The following GNAI3 variants were observed in gnomAD, a reference collection of about 807,000 sequenced individuals.
The protein encoded by GNAI3 is guanine nucleotide-binding protein G(i) subunit alpha-3.
In GNAI3, 12 loss-of-function variants were observed where a neutral mutation model predicts 41.8. That is an observed-to-expected ratio of 0.29 (90% CI 0.18 to 0.47). GNAI3 has a LOEUF of 0.47. Ranked by LOEUF, GNAI3 falls within the 20% of genes least tolerant of loss-of-function variation. The pLI, the probability that GNAI3 is intolerant of heterozygous loss-of-function variation, is 1.00. For synonymous variants in GNAI3, 132 were observed against 146.5 expected, an observed-to-expected ratio of 0.90 and a Z score of 0.71; for missense variants, 360 against 429.6, an observed-to-expected ratio of 0.84 and a Z score of 1.43.
chr1:109,573,788 G>A lies in GNAI3; in HGVS notation c.161+9G>A. 6.2e-7 allele frequency: 1 copy of A among 1,609,884 alleles called. No individual in the cohort carries two copies. The highest frequency in any genetic ancestry group is 1.1e-5 in the South Asian group (1 of 90,970). On this transcript the variant is annotated intron_variant, in intron 2 of 8. Transcript: ENST00000369851. ...ATTGTGAAACAGATGAAGTAAGTTG[G>A]AATGTAGCGTTTTGTTAGACTAGGA...
chr1:109,572,811 A>G (rs1406837157), intron 1 of GNAI3, among the ~76,000 whole-genome samples: 1 of 152,166 alleles, frequency 6.6e-6, no homozygotes, highest in African/African-American at 2.4e-5. Flanking sequence ...GGAAAATATC[A>G]TGGGAAATTG....
chr1:109,557,660 A>G (rs1648194138), intron 1 of GNAI3, among the ~76,000 whole-genome samples: 1 of 151,644 alleles, frequency 6.6e-6, no homozygotes, highest in Non-Finnish European at 1.5e-5. Flanking sequence ...CCGAGTCTTC[A>G]ACTTTTGTTT....
At chr1:109,564,015 A>C (rs1316109056) in intron 1 of GNAI3, among the ~76,000 whole-genome samples, 1 of 151,688 alleles carries the variant, frequency 6.6e-6, no homozygotes, top group Admixed American at 6.6e-5. Context: ...CATGTCCTTA[A>C]AGCCTATTCC....
intron 3 of GNAI3, among the ~76,000 whole-genome samples, chr1:109,577,448 TG>T (rs1648780910): frequency 6.6e-6 from 1 of 151,916 alleles, no homozygotes; most frequent in African/African-American, 2.4e-5. Flanking sequence ...AGCTAATTTT[TG>T]TATTTTTAGT....
chr1:109,574,148 A>G (rs1648679082), intron 3 of GNAI3, 111 bp downstream of exon 3: 5 of 722,830 alleles, frequency 6.9e-6, no homozygotes, highest in Non-Finnish European at 1.1e-5. Flanking sequence ...ACAAGATAAA[A>G]TGTAGCAAAG....
At chr1:109,582,062 C>CA (rs1173111776) in intron 4 of GNAI3, among the ~76,000 whole-genome samples, 1 of 152,108 alleles carries the variant, frequency 6.6e-6, no homozygotes, top group Non-Finnish European at 1.5e-5. Flanking sequence ...TGGCACTCTG[C>CA]AGCCTTGACC....
chr1:109,583,832 C>T (rs1368741490), intron 5 of GNAI3, among the ~76,000 whole-genome samples: 1 of 147,446 alleles, frequency 6.8e-6, no homozygotes, highest in Non-Finnish European at 1.5e-5. Flanking sequence ...ACCTGGTGAT[C>T]CGCCCACCTT....
At chr1:109,572,345 AGAG>A (rs1648626817) in intron 1 of GNAI3, among the ~76,000 whole-genome samples, 1 of 152,136 alleles carries the variant, frequency 6.6e-6, no homozygotes, top group Non-Finnish European at 1.5e-5. Context: ...GAAACTGGAG[AGAG>A]GAGATTGAGG....
In GNAI3 at chr1:109,598,865, G is replaced by A. The variant is rs1649378230; in HGVS notation, c.*6543G>A. 2 of 533,870 alleles carry A rather than the reference G, an allele frequency of 3.7e-6. No homozygotes were observed. Among genetic ancestry groups the A allele is most frequent in the South Asian group, 1.4e-5 (1 of 71,590 alleles). The allele number at this position is 533,870 out of a possible 1,614,324, so 33.1% of individuals were successfully genotyped here. ...CACTTGCAGTCCCTGGCCCAACACCGAAATCCTTCTGGAATCTGTGCTCTG... is the reference window on the plus strand; with the variant it reads ...CACTTGCAGTCCCTGGCCCAACACCAAAATCCTTCTGGAATCTGTGCTCTG... On this transcript the variant is annotated 3_prime_UTR_variant, in exon 9 of 9. Coordinates refer to ENST00000369851, the MANE Select transcript of GNAI3 (RefSeq NM_006496.4).
In GNAI3 at chr1:109,548,634, C is replaced by A. The variant is rs1342030343; in HGVS notation, c.-87C>A. ...GGAGCTGACGGAGAGGGCCACCGCC[C>A]AGCAATAGACGGTGCCTCAGCCTGC... is the stretch of plus-strand genomic sequence containing the variant. On this transcript the variant is annotated 5_prime_UTR_variant, in exon 1 of 9. Coordinates refer to ENST00000369851, the MANE Select transcript of GNAI3 (RefSeq NM_006496.4). The A allele has an allele frequency of 3.4e-6, 3 of 870,206 alleles. No homozygotes were observed. In the African/African-American group the frequency reaches 5.0e-5, roughly 14 times the overall value. The allele number at this position is 870,206 out of a possible 1,614,324, so 53.9% of individuals were successfully genotyped here. A position where few individuals can be genotyped will look rare whatever the true frequency, so the allele number is the denominator to read the frequency against.
At chr1:109,591,392 T>C (rs1237550112) in intron 7 of GNAI3, 2 of 517,656 alleles carry the variant, frequency 3.9e-6, no homozygotes, top group African/African-American at 3.9e-5. Context: ...TATGAATGAA[T>C]GTTCATATTG....
At chr1:109,591,914 A>G (rs1649181747) in intron 7 of GNAI3, 129 bp from the exon 8 acceptor site, 2 of 520,178 alleles carry the variant, frequency 3.8e-6, no homozygotes, top group Admixed American at 6.7e-5. Context: ...ATGATTATAG[A>G]AATAGAGAAT....
chr1:109,579,117 T>TA, intron 3 of GNAI3, 87 bp from the exon 4 acceptor site: 1 of 1,047,596 alleles, frequency 9.5e-7, no homozygotes, highest in Non-Finnish European at 1.4e-6. Context: ...TAACATAACA[T>TA]GTAATGTGTC....
chr1:109,550,589 A>G (rs943582634), intron 1 of GNAI3, among the ~76,000 whole-genome samples: 2 of 151,294 alleles, frequency 1.3e-5, no homozygotes, highest in African/African-American at 2.4e-5. Context: ...GCTGGAGTGC[A>G]GTGGCGCGAT....
intron 1 of GNAI3, among the ~76,000 whole-genome samples, chr1:109,561,934 C>T (rs186938441): frequency 6.6e-6 from 1 of 151,990 alleles, no homozygotes; most frequent in Non-Finnish European, 1.5e-5. Flanking sequence ...ATAGTAAGCA[C>T]AAAGACTCAG....
chr1:109,562,143 G>A (rs888819081), intron 1 of GNAI3, among the ~76,000 whole-genome samples: 4 of 152,148 alleles, frequency 2.6e-5, no homozygotes, highest in Admixed American at 2.6e-4. Context: ...AGATATGTAT[G>A]CACACGTATG....
Position 109,592,256 on chromosome 1 carries a change from G to C in GNAI3, c.*22+1G>C, listed in dbSNP as rs974998038. On this transcript the variant is annotated splice_donor_variant, in intron 8 of 8. Transcript: ENST00000369851. LOFTEE classifies it low-confidence loss of function (3UTR_SPLICE). ...TGAGAAGCATGGATGTTAGTGAAAG[G>C]TAAAGTTTCATACAAGGTAGTTATA... 1.8e-5 allele frequency: 27 copies of C among 1,524,510 alleles called. No individual in the cohort carries two copies. Among genetic ancestry groups the C allele is most frequent in the Non-Finnish European group, 2.5e-5 (27 of 1,100,022 alleles). 94.4% of individuals were successfully genotyped at this position (1,524,510 alleles called of 1,614,324 possible).
intron 5 of GNAI3, among the ~76,000 whole-genome samples, chr1:109,585,639 C>A (rs984413377): frequency 1.3e-5 from 2 of 151,902 alleles, no homozygotes. Flanking sequence ...AACATGGGTG[C>A]TGGAGTTAGA....
intron 3 of GNAI3, among the ~76,000 whole-genome samples, chr1:109,575,202 A>T (rs1009888349): frequency 2.6e-5 from 4 of 152,092 alleles, no homozygotes; most frequent in African/African-American, 9.7e-5. Flanking sequence ...TAAAGCCTTT[A>T]TCCTTGTCTT....
Sources: allele counts gnomAD v4.1 joint callset (sites outside exome capture counted in the v4.1 genomes callset), GRCh38; gene constraint gnomAD v4.1.1; transcripts MANE v1.5; gene names NCBI Gene and HGNC (gene_info 2026-07-23, HGNC 2026-07-21).